Variants in DOCK8 observed in about 807,000 individuals in gnomAD.
The protein encoded by DOCK8 is dedicator of cytokinesis protein 8.
In DOCK8, 141 loss-of-function variants were observed where a neutral mutation model predicts 245.6. The observed-to-expected ratio is 0.57, with a 90% CI of 0.50 to 0.66. The LOEUF is 0.66. Among genes scored for constraint, DOCK8 ranks in the 30% least tolerant of loss-of-function variants. The pLI, the probability that DOCK8 is intolerant of heterozygous loss-of-function variation, is 0.00. For synonymous variants in DOCK8, 1,168 were observed against 970.2 expected (o/e 1.20, Z -3.79); for missense variants, 2,965 against 2,603.4 (o/e 1.14, Z -3.02).
intron 28 of DOCK8, among the ~76,000 whole-genome samples, chr9:411,019 G>C (rs773284000): frequency 6.6e-6 from 1 of 152,140 alleles, no homozygotes; most frequent in African/African-American, 2.4e-5. Context: ...TACTAAAATT[G>C]ACTCCAAGAA....
At chr9:228,175 G>A (rs1382075415) in intron 1 of DOCK8, among the ~76,000 whole-genome samples, 1 of 152,128 alleles carries the variant, frequency 6.6e-6, no homozygotes, top group Non-Finnish European at 1.5e-5. Flanking sequence ...GCCCCTACAA[G>A]GCTGTGACTT....
chr9:288,592 T>C (rs1448137682), intron 3 of DOCK8, among the ~76,000 whole-genome samples: 1 of 152,208 alleles, frequency 6.6e-6, no homozygotes, highest in African/African-American at 2.4e-5. Flanking sequence ...TGCCAGGCAG[T>C]CTTCTAAGCA....
At chr9:307,865 G>A (rs920386565) in intron 5 of DOCK8, among the ~76,000 whole-genome samples, 14 of 152,132 alleles carry the variant, frequency 9.2e-5, no homozygotes, top group African/African-American at 3.4e-4. Context: ...ATGTATACAC[G>A]ATAGAATACT....
chr9:356,965 A>G (rs1563959235), intron 14 of DOCK8, among the ~76,000 whole-genome samples: 1 of 151,740 alleles, frequency 6.6e-6, no homozygotes, highest in Non-Finnish European at 1.5e-5. Context: ...GAATGCTTGG[A>G]TATTTGTGAT....
chr9:261,712 T>C (rs113503206), intron 1 of DOCK8, among the ~76,000 whole-genome samples: 1,557 of 152,296 alleles, frequency 0.01, 30 homozygotes, highest in African/African-American at 0.036. Flanking sequence ...TTATTGTAGT[T>C]GTGGATGTAA....
rs78518633 is a variant in DOCK8, at chr9:288,644, C to A, written c.333-866C>A. On this transcript the variant is annotated intron_variant, in intron 3 of 47. Transcript: ENST00000432829. Reference sequence around the variant, plus strand: ...ATTTAATCTTCATCAAAGCTGTCTACTAAAAGGGGCACTCTTACTACTCTA... The same window carrying A: ...ATTTAATCTTCATCAAAGCTGTCTAATAAAAGGGGCACTCTTACTACTCTA... Among the ~76,000 whole-genome samples the A allele has an allele frequency of 1.7e-3, 262 of 152,270 alleles. 1 individual carries two copies. Among genetic ancestry groups the A allele is most frequent in the African/African-American group, 5.9e-3 (244 of 41,544 alleles).
chr9:415,873 C>T (rs1461489632), intron 29 of DOCK8, among the ~76,000 whole-genome samples: 1 of 152,164 alleles, frequency 6.6e-6, no homozygotes, highest in African/African-American at 2.4e-5. Flanking sequence ...TTGGAACCAT[C>T]CAGGTTTTCC....
At chr9:426,250 A>G (rs1587000289) in intron 33 of DOCK8, among the ~76,000 whole-genome samples, 1 of 152,222 alleles carries the variant, frequency 6.6e-6, no homozygotes, top group African/African-American at 2.4e-5. Context: ...CTAGTGGGCA[A>G]TGACCAGTAA....
chr9:333,404 A>C (rs1039333899), intron 10 of DOCK8, among the ~76,000 whole-genome samples: 2 of 152,142 alleles, frequency 1.3e-5, no homozygotes, highest in Non-Finnish European at 2.9e-5. Context: ...GATTGAGACC[A>C]TCCTGGCCAA....
At chr9:367,670 A>AACT (rs2053073822) in intron 14 of DOCK8, among the ~76,000 whole-genome samples, 1 of 152,234 alleles carries the variant, frequency 6.6e-6, no homozygotes, top group Non-Finnish European at 1.5e-5. Flanking sequence ...TATGGCCATG[A>AACT]GTTTTATTTA....
At chr9:370,029 C>G in intron 15 of DOCK8, 1 of 613,936 alleles carries the variant, frequency 1.6e-6, no homozygotes. Flanking sequence ...TCTCCAACTC[C>G]TGGGCTCAAG....
At position 434,892 on chromosome 9, in the gene DOCK8, G is replaced by C. The variant is rs768545433; in HGVS notation, c.4996G>C (p.Val1666Leu). Residue 1666 changes from valine to leucine, a missense_variant, in exon 39 of 48, where the codon GTG becomes CTG. Coordinates refer to ENST00000432829, the MANE Select transcript of DOCK8 (RefSeq NM_203447.4). ...KCYTEAAMCL[V>L]HAAALVAEYL... is the part of the protein sequence containing the mutation. The stretch of plus-strand genomic sequence containing the variant: ...CTACACGGAGGCTGCCATGTGCCTG[G>C]TGCACGCCGCTGCGTTAGTGGCTGA... The C allele has an allele frequency of 3.1e-6, 5 of 1,613,878 alleles. No individual in the cohort carries two copies. Among genetic ancestry groups the C allele is most frequent in the Middle Eastern group, 1.7e-4 (1 of 5,936 alleles).
intron 8 of DOCK8, among the ~76,000 whole-genome samples, chr9:327,122 C>T (rs1001519749): frequency 3.9e-5 from 6 of 152,132 alleles, no homozygotes; most frequent in East Asian, 3.8e-4. Context: ...CAAGCTAGAC[C>T]GCTGACTAAG....
chr9:406,243 C>A (rs2055410331), intron 27 of DOCK8, among the ~76,000 whole-genome samples: 1 of 152,078 alleles, frequency 6.6e-6, no homozygotes, highest in Admixed American at 6.6e-5. Context: ...TTTGTAATCC[C>A]AGCATCTTCG....
rs2046731307 is a variant in DOCK8 at position 215,569 on chromosome 9, T to C, written c.53+540T>C. 1.2e-5 allele frequency: 11 copies of C among 913,196 alleles called. No individual in the cohort carries two copies. The South Asian group carries it at 3.8e-4, about 31-fold the overall frequency. 56.6% of individuals were successfully genotyped at this position (913,196 alleles called of 1,614,324 possible). A position where few individuals can be genotyped will look rare whatever the true frequency, so the allele number is the denominator to read the frequency against. On this transcript the variant is annotated intron_variant, in intron 1 of 47. Coordinates refer to ENST00000432829, the MANE Select transcript of DOCK8 (RefSeq NM_203447.4). Reference sequence around the variant, plus strand: ...TTGGCTCCTGGTGGCATCGCTATTTTTATACCCTGGTCCAAAGGAGCCATG... The same window carrying C: ...TTGGCTCCTGGTGGCATCGCTATTTCTATACCCTGGTCCAAAGGAGCCATG...
At chr9:375,832 A>G (rs1345041156) in intron 18 of DOCK8, among the ~76,000 whole-genome samples, 1 of 152,188 alleles carries the variant, frequency 6.6e-6, no homozygotes, top group Non-Finnish European at 1.5e-5. Context: ...CCACATTTCT[A>G]CAAAAAATAG....
At chr9:243,684 G>C (rs1224274443) in intron 1 of DOCK8, among the ~76,000 whole-genome samples, 1 of 152,036 alleles carries the variant, frequency 6.6e-6, no homozygotes, top group East Asian at 1.9e-4. Context: ...TTCCCCTGCA[G>C]CCTCAAGTGG....
rs199560543 is a variant in DOCK8 at position 382,525 on chromosome 9, C to T, written c.2618C>T (p.Ala873Val). The change falls in exon 22 of 48, where the codon GCC becomes GTC. Residue 873 changes from alanine to valine, a missense_variant. Physicochemically the swap from Ala to Val is moderately conservative, Grantham distance 64. Coordinates refer to ENST00000432829, the MANE Select transcript of DOCK8 (RefSeq NM_203447.4). ...RDVPKSGAPTALLDPRSYHTY... is the reference protein window; with the variant it reads ...RDVPKSGAPTVLLDPRSYHTY... ...TGGTGGGGTGCAGGCGCTCCCACTG[C>T]CCTCCTAGACCCTCGGAGCTACCAC... is the stretch of plus-strand genomic sequence containing the variant. 1.9e-6 allele frequency: 3 copies of T among 1,613,820 alleles called. No homozygotes were observed. Among genetic ancestry groups the T allele is most frequent in the Non-Finnish European group, 2.5e-6 (3 of 1,179,868 alleles).
At chr9:216,552 AAAAG>A (rs910802729) in intron 1 of DOCK8, among the ~76,000 whole-genome samples, 4 of 151,450 alleles carry the variant, frequency 2.6e-5, no homozygotes, top group African/African-American at 9.7e-5. Flanking sequence ...AAAAAAAAAA[AAAAG>A]CAAAAACAAG....
Sources: gnomAD v4.1 joint callset for allele counts (sites outside exome capture counted in the v4.1 genomes callset) on GRCh38, gnomAD v4.1.1 for gene constraint, MANE v1.5 for transcripts, NCBI Gene and HGNC (gene_info 2026-07-23, HGNC 2026-07-21) for gene names.